The following NR3C2 variants were observed in gnomAD, a reference collection of about 807,000 sequenced individuals.
The protein encoded by NR3C2 is nuclear receptor subfamily 3 group C member 2, also known as mineralocorticoid receptor.
A neutral mutation model predicts 86.4 loss-of-function variants in NR3C2; 15 were observed. The observed-to-expected ratio is 0.17, with a 90% CI of 0.12 to 0.27. The LOEUF (loss-of-function observed/expected upper bound fraction) is 0.27. Ranked by LOEUF, NR3C2 falls within the 10% of genes least tolerant of loss-of-function variation. The probability of loss-of-function intolerance (pLI) is 1.00; values close to 1 mark genes in which losing one functional copy is unlikely to be tolerated. For synonymous variants in NR3C2, 458 were observed against 450.5 expected (o/e 1.02, Z -0.21); for missense variants, 960 against 1,195.6 (o/e 0.80, Z 2.91).
At chr4:148,269,677 A>AC (rs1740576797) in intron 2 of NR3C2, among the ~76,000 whole-genome samples, 1 of 152,202 alleles carries the variant, frequency 6.6e-6, no homozygotes, top group Non-Finnish European at 1.5e-5. Context: ...ACAAAACAAA[A>AC]AAAACACCTG....
intron 6 of NR3C2, among the ~76,000 whole-genome samples, chr4:148,136,063 A>AAAC (rs1733304916): frequency 3.4e-5 from 2 of 57,994 alleles, no homozygotes; most frequent in South Asian, 5.2e-4. Context: ...TCTCAAAAAA[A>AAAC]AAAAAAAAAA....
At chr4:148,188,855 T>C (rs774784622) in intron 4 of NR3C2, among the ~76,000 whole-genome samples, 1 of 152,078 alleles carries the variant, frequency 6.6e-6, no homozygotes, top group Non-Finnish European at 1.5e-5. Context: ...TTCAGTATCA[T>C]GTTGGCTGTG....
At chr4:148,233,635 A>G (rs1157522995) in intron 3 of NR3C2, among the ~76,000 whole-genome samples, 4 of 152,060 alleles carry the variant, frequency 2.6e-5, no homozygotes, top group Admixed American at 6.5e-5. Context: ...GCTCAACTCA[A>G]TTGGGCTAAT....
Position 148,404,493 on chromosome 4 carries a change from C to T in NR3C2, c.1757+30611G>A, listed in dbSNP as rs528188343. ...TTTTGGGGGGAGTCTAGAGCAGGGA[C>T]ACGTTATCTGTGCACAAAAATGCAA... On this transcript the variant is annotated intron_variant, in intron 2 of 8. Transcript: ENST00000358102. Among the ~76,000 whole-genome samples, 19 of 152,186 alleles carry T rather than the reference C, an allele frequency of 1.2e-4. No homozygotes were observed. The East Asian group carries it at 3.7e-3, about 29-fold the overall frequency.
intron 3 of NR3C2, among the ~76,000 whole-genome samples, chr4:148,220,261 AT>A (rs1287894624): frequency 6.6e-6 from 1 of 151,926 alleles, no homozygotes; most frequent in Non-Finnish European, 1.5e-5. Context: ...TAATGTTTTA[AT>A]TTTTTTGTAG....
In NR3C2 at chr4:148,243,359, A is replaced by G. The variant is rs578063468; in HGVS notation, c.1897+16619T>C. 2.9e-4 allele frequency among the ~76,000 whole-genome samples: 44 copies of G among 152,286 alleles called. No individual in the cohort carries two copies. In the South Asian group the frequency reaches 8.1e-3, roughly 28 times the overall value. On this transcript the variant is annotated intron_variant, in intron 3 of 8. Transcript: ENST00000358102. The stretch of plus-strand genomic sequence containing the variant: ...AGACATTTCTTTAACTTTGGGAAAG[A>G]GGGTCACATGATAAACAGGATCTCC...
intron 3 of NR3C2, among the ~76,000 whole-genome samples, chr4:148,204,983 C>G (rs1254711820): frequency 3.9e-5 from 6 of 152,268 alleles, no homozygotes; most frequent in Admixed American, 3.9e-4. Flanking sequence ...CCAGCTAATC[C>G]CTCAAGACCT....
In NR3C2 at chr4:148,236,397, A is replaced by G. The variant is rs531917677; in HGVS notation, c.1897+23581T>C. Among the ~76,000 whole-genome samples the G allele has an allele frequency of 2.0e-5, 3 of 152,352 alleles. No homozygotes were observed. In the South Asian group the frequency reaches 6.2e-4, roughly 32 times the overall value. On this transcript the variant is annotated intron_variant, in intron 3 of 8. Transcript: ENST00000358102. ...ATGGAAAAAGAAAAGTTGATTTTTT[A>G]GTGAAATCCTATATGCTTTTCATAT...
intron 2 of NR3C2, among the ~76,000 whole-genome samples, chr4:148,415,879 TAAAC>T (rs1748968122): frequency 6.6e-6 from 1 of 151,824 alleles, no homozygotes; most frequent in Non-Finnish European, 1.5e-5. Context: ...AAAAGAAAAA[TAAAC>T]AAAGCAAGTA....
intron 3 of NR3C2, among the ~76,000 whole-genome samples, chr4:148,246,844 G>A (rs1434061161): frequency 5.9e-5 from 9 of 152,154 alleles, no homozygotes; most frequent in African/African-American, 2.2e-4. Flanking sequence ...ATGAGCCACC[G>A]TGCCTGGCCT....
intron 2 of NR3C2, among the ~76,000 whole-genome samples, chr4:148,363,691 G>A (rs1183559254): frequency 6.6e-6 from 1 of 151,922 alleles, no homozygotes; most frequent in Admixed American, 6.6e-5. Context: ...TTTTAGTAGA[G>A]ATGGGGTTTA....
intron 4 of NR3C2, among the ~76,000 whole-genome samples, chr4:148,190,876 G>A (rs1736163245): frequency 6.6e-6 from 1 of 152,130 alleles, no homozygotes; most frequent in Admixed American, 6.5e-5. Flanking sequence ...TGTGTGTTAG[G>A]TGAGTTTCCT....
intron 2 of NR3C2, among the ~76,000 whole-genome samples, chr4:148,331,111 T>C (rs1744212117): frequency 1.3e-5 from 2 of 152,188 alleles, no homozygotes; most frequent in African/African-American, 4.8e-5. Context: ...ATAAAGGAAA[T>C]ACATATATTG....
At chr4:148,413,293 T>C (rs531038252) in intron 2 of NR3C2, among the ~76,000 whole-genome samples, 2 of 152,218 alleles carry the variant, frequency 1.3e-5, no homozygotes, top group Admixed American at 6.5e-5. Context: ...AATGCATCAT[T>C]TCCTAAAGTA....
chr4:148,337,717 T>G (rs1297525274), intron 2 of NR3C2, among the ~76,000 whole-genome samples: 1 of 152,192 alleles, frequency 6.6e-6, no homozygotes, highest in Non-Finnish European at 1.5e-5. Flanking sequence ...TTTCTATGGA[T>G]GAGTAGAAAT....
chr4:148,281,457 A>G (rs1033513760), intron 2 of NR3C2, among the ~76,000 whole-genome samples: 1 of 152,250 alleles, frequency 6.6e-6, no homozygotes, highest in African/African-American at 2.4e-5. Context: ...CCATAATTTC[A>G]ATCACTACCA....
intron 2 of NR3C2, among the ~76,000 whole-genome samples, chr4:148,374,026 G>T (rs1746551477): frequency 1.3e-5 from 2 of 152,086 alleles, no homozygotes; most frequent in Admixed American, 1.3e-4. Context: ...TGCCTTTTGA[G>T]ATATGAAATG....
At chr4:148,142,356 A>G (rs1733652138) in intron 6 of NR3C2, among the ~76,000 whole-genome samples, 1 of 152,070 alleles carries the variant, frequency 6.6e-6, no homozygotes, top group African/African-American at 2.4e-5. Context: ...CCCAGACCTG[A>G]CGGACAGCTC....
chr4:148,325,463 T>C (rs777178173), intron 2 of NR3C2, among the ~76,000 whole-genome samples: 7 of 152,200 alleles, frequency 4.6e-5, no homozygotes, highest in Non-Finnish European at 7.3e-5. Flanking sequence ...TCTAGGTAAG[T>C]TGTAGGTCAG....
Sources: allele counts gnomAD v4.1 joint callset (sites outside exome capture counted in the v4.1 genomes callset), GRCh38; gene constraint gnomAD v4.1.1; transcripts MANE v1.5; gene names NCBI Gene and HGNC (gene_info 2026-07-23, HGNC 2026-07-21).